Variants in HSF4 observed in about 807,000 individuals in gnomAD.
The protein encoded by HSF4 is heat shock factor protein 4.
Under a neutral mutation model 52.0 loss-of-function variants are expected in HSF4, and 41 were observed. That is an observed-to-expected ratio of 0.79 (90% CI 0.61 to 1.02). The LOEUF is 1.02. HSF4 is among the 50% of genes least tolerant of loss of function. The pLI, the probability that HSF4 is intolerant of heterozygous loss-of-function variation, is 0.00. For missense variants in HSF4, 610 were observed against 651.1 expected (o/e 0.94, Z 0.69); for synonymous variants, 285 against 273.0 (o/e 1.04, Z -0.43).
chr16:67,164,586 C>A (rs540804977), upstream of HSF4: 3 of 522,120 alleles, frequency 5.7e-6, no homozygotes, highest in African/African-American at 3.9e-5. Flanking sequence ...CCACCCCACC[C>A]CTCCACTCCA....
At chr16:67,167,015 T>G in intron 6 of HSF4, 105 bp from the exon 7 acceptor site, 1 of 1,511,994 alleles carries the variant, frequency 6.6e-7, no homozygotes, top group Non-Finnish European at 9.1e-7. Flanking sequence ...GCCTCAGCTC[T>G]GCTGACTTGG....
At chr16:67,163,993 C>A, upstream of HSF4, 1 of 922,162 alleles carries the variant, frequency 1.1e-6, no homozygotes, top group Non-Finnish European at 1.7e-6. Flanking sequence ...CGCCCTGAGA[C>A]CACTCGCTGC....
At position 67,169,572 on chromosome 16, in the gene HSF4, T is replaced by C. The variant is rs375811954; in HGVS notation, c.1325-59T>C. On this transcript the variant is annotated intron_variant, in intron 12 of 12. Coordinates refer to ENST00000521374, the MANE Select transcript of HSF4 (RefSeq NM_001374675.1). The surrounding 1 kb of genome is among the most constrained non-coding windows in gnomAD (Gnocchi z 4.3). The stretch of plus-strand genomic sequence containing the variant: ...AGAAGGCAGGCGGGCAGGGCTCTCC[T>C]TCCCTGAAGAAAGGAGGGGGAACAT... 8.1e-6 allele frequency: 13 copies of C among 1,599,668 alleles called. No individual in the cohort carries two copies. The highest frequency in any genetic ancestry group is 6.7e-5 in the East Asian group (3 of 44,894).
rs1469616706 is a variant in HSF4, at chr16:67,165,004, C to T, written c.123+70C>T. On this transcript the variant is annotated intron_variant, in intron 1 of 12. Coordinates refer to ENST00000521374, the MANE Select transcript of HSF4 (RefSeq NM_001374675.1). The surrounding 1 kb of genome is among the most constrained non-coding windows in gnomAD (Gnocchi z 6.9). ...CTCCACGTCAGTGAACACCCATGCC[C>T]GCCCAACCCCCTCCTGAGACTGGGC... The T allele has an allele frequency of 5.5e-6, 8 of 1,454,786 alleles. No individual in the cohort carries two copies. The East Asian group carries it at 9.9e-5, about 18-fold the overall frequency. 90.1% of individuals were successfully genotyped at this position (1,454,786 alleles called of 1,614,324 possible). A position where few individuals can be genotyped will look rare whatever the true frequency, so the allele number is the denominator to read the frequency against.
chr16:67,167,817 G>T lies in HSF4; in HGVS notation c.952G>T (p.Val318Leu). Residue 318 changes from valine (V) to leucine (L), a missense_variant, in exon 9 of 13, where the codon GTG becomes TTG. By Grantham distance (32) the Val-to-Leu change is conservative. Coordinates refer to ENST00000521374, the MANE Select transcript of HSF4 (RefSeq NM_001374675.1). ...GGCCCCAAACGAGTGTGACTTCTGC[G>T]TGACAGCCCCCCCGCCACTGCCTGT... is the stretch of plus-strand genomic sequence containing the variant. Reference protein sequence around the residue: ...ALAPNECDFCVTAPPPLPVAV... With the variant: ...ALAPNECDFCLTAPPPLPVAV... 6.3e-7 allele frequency: 1 copy of T among 1,594,112 alleles called. No individual in the cohort carries two copies. The highest frequency in any genetic ancestry group is 8.5e-7 in the Non-Finnish European group (1 of 1,171,090).
chr16:67,165,680 G>A lies in HSF4; in HGVS notation c.233-39G>A. 1 of 1,612,190 alleles carries A rather than the reference G, an allele frequency of 6.2e-7. No homozygotes were observed. The highest frequency in any genetic ancestry group is 2.2e-5 in the East Asian group (1 of 44,858). On this transcript the variant is annotated intron_variant, in intron 2 of 12. Coordinates refer to ENST00000521374, the MANE Select transcript of HSF4 (RefSeq NM_001374675.1). The surrounding 1 kb of genome is among the most constrained non-coding windows in gnomAD (Gnocchi z 6.9). ...AGCGGGGATGGGGGACTCGGTGCCG[G>A]GGATGGGGCGACCCACGCCCCCACG... is the stretch of plus-strand genomic sequence containing the variant.
In HSF4 at chr16:67,166,743, T is replaced by C. The variant is rs2031333451; in HGVS notation, c.626+121T>C. The C allele has an allele frequency of 1.0e-5, 9 of 894,840 alleles. No individual in the cohort carries two copies. In the South Asian group the frequency reaches 1.1e-4, roughly 11 times the overall value. The allele number at this position is 894,840 out of a possible 1,614,324, so 55.4% of individuals were successfully genotyped here. ...GGAATCCTCATTCCTCCCCCTGCGC[T>C]ACAGGCTTCCTCACCCCATCTAGGA... On this transcript the variant is annotated intron_variant, in intron 6 of 12. Coordinates refer to ENST00000521374, the MANE Select transcript of HSF4 (RefSeq NM_001374675.1).
Position 67,166,063 on chromosome 16 carries a change from C to T in HSF4, c.478C>T (p.Leu160Phe). 1.3e-6 allele frequency: 2 copies of T among 1,526,962 alleles called. No individual in the cohort carries two copies. Among genetic ancestry groups the T allele is most frequent in the Non-Finnish European group, 8.8e-7 (1 of 1,142,644 alleles). The allele number at this position is 1,526,962 out of a possible 1,614,324, so 94.6% of individuals were successfully genotyped here. A position where few individuals can be genotyped will look rare whatever the true frequency, so the allele number is the denominator to read the frequency against. ...QESTEARLRE[L>F]RQQNEILWRE... ...GAGCACCGAGGCGCGGCTGCGGGAG[C>T]TCAGGCAGTGCGGGGGCGGGCGGGG... Residue 160 changes from leucine to phenylalanine, a missense_variant, in exon 4 of 13, where the codon CTC becomes TTC. Leu to Phe is a conservative substitution (Grantham distance 22). Transcript: ENST00000521374.
intron 5 of HSF4, 43 bp from the exon 6 acceptor site, chr16:67,166,515 G>A (rs753585363): frequency 1.9e-6 from 3 of 1,609,636 alleles, no homozygotes; most frequent in Non-Finnish European, 1.7e-6. Flanking sequence ...GGGGTGGGGG[G>A]GCTGTGTCCA....
At position 67,166,378 on chromosome 16, in the gene HSF4, C is replaced by A; in HGVS notation, c.544C>A (p.His182Asn). 6.2e-7 allele frequency: 1 copy of A among 1,610,012 alleles called. No individual in the cohort carries two copies. Among genetic ancestry groups the A allele is most frequent in the Non-Finnish European group, 8.5e-7 (1 of 1,178,196 alleles). ...VTLRQSHGQQ[H>N]RVIGKLIQCL... Reference sequence around the variant, plus strand: ...ACTTCGGCAGAGCCACGGTCAGCAGCACCGGGTCATTGGCAAGGTGTTCCT... The same window carrying A: ...ACTTCGGCAGAGCCACGGTCAGCAGAACCGGGTCATTGGCAAGGTGTTCCT... The change falls in exon 5 of 13, where the codon CAC (histidine) becomes AAC (asparagine). Residue 182 changes from histidine (H) to asparagine (N), a missense_variant. By Grantham distance (68) the His-to-Asn change is moderately conservative. Coordinates refer to ENST00000521374, the MANE Select transcript of HSF4 (RefSeq NM_001374675.1).
rs779621363 is a variant in HSF4 at position 67,169,302 on chromosome 16, G to C, written c.1278G>C (p.Arg426=). The change falls in exon 12 of 13, where the codon CGG becomes CGC. Residue 426 remains arginine, a synonymous_variant. Transcript: ENST00000521374. The surrounding 1 kb of genome is among the most constrained non-coding windows in gnomAD (Gnocchi z 4.3). ...AGATGCAGCCCTTGGTTCCAGAGCG[G>C]GGTGAGCCTGAGCTGGCGGTCAAGG... is the stretch of plus-strand genomic sequence containing the variant. ...LSLMQPLVPE[R]GEPELAVKGL... The C allele has an allele frequency of 1.9e-6, 3 of 1,613,734 alleles. No homozygotes were observed. The Admixed American group carries it at 5.0e-5, about 27-fold the overall frequency.
At chr16:67,166,524 C>A (rs2031313314) in intron 5 of HSF4, 34 bp from the exon 6 acceptor site, 1 of 1,612,490 alleles carries the variant, frequency 6.2e-7, no homozygotes, top group Admixed American at 1.7e-5. Context: ...GGGCTGTGTC[C>A]AAAGTATGAA....
chr16:67,164,765 G>A lies in HSF4; in HGVS notation c.-47G>A. 1 of 1,558,520 alleles carries A rather than the reference G, an allele frequency of 6.4e-7. No homozygotes were observed. The highest frequency in any genetic ancestry group is 8.6e-7 in the Non-Finnish European group (1 of 1,162,028). On this transcript the variant is annotated 5_prime_UTR_variant, in exon 1 of 13. Transcript: ENST00000521374. ...GCAGCACTTTCCGCGGCTTTGACGA[G>A]CCCGCAGCGGCCGGGCCCGAGCGCA... is the stretch of plus-strand genomic sequence containing the variant.
upstream of HSF4, chr16:67,164,686 G>C (rs1294897085): frequency 1.7e-6 from 2 of 1,205,674 alleles, no homozygotes; most frequent in Non-Finnish European, 2.2e-6. Context: ...CTTGCACGTG[G>C]CCCCCGCCTG....
Position 67,167,459 on chromosome 16 carries a change from A to T in HSF4, c.730-16A>T. Reference sequence around the variant, plus strand: ...TGCCTACAGGCCAAGGGCTGGGCCTAGCCTTCTACTTACAGCCTCTCCCAG... The same window carrying T: ...TGCCTACAGGCCAAGGGCTGGGCCTTGCCTTCTACTTACAGCCTCTCCCAG... On this transcript the variant is annotated splice_polypyrimidine_tract_variant and intron_variant, in intron 7 of 12. Transcript: ENST00000521374. 1 of 1,613,820 alleles carries T rather than the reference A, an allele frequency of 6.2e-7. No homozygotes were observed. The highest frequency in any genetic ancestry group is 1.1e-5 in the South Asian group (1 of 91,082).
In HSF4 at chr16:67,168,693, T is replaced by A. The variant is rs946666271; in HGVS notation, c.1083-138T>A. On this transcript the variant is annotated intron_variant, in intron 9 of 12. Transcript: ENST00000521374. ...GCCATTTATGGCAGGAGTGGGGAGG[T>A]TGGGGGTGGAGAGAGGATGGGGATC... 1.2e-5 allele frequency: 8 copies of A among 675,106 alleles called. No individual in the cohort carries two copies. In the South Asian group the frequency reaches 1.2e-4, roughly 10 times the overall value. The allele number at this position is 675,106 out of a possible 1,614,324, so 41.8% of individuals were successfully genotyped here. A position where few individuals can be genotyped will look rare whatever the true frequency, so the allele number is the denominator to read the frequency against.
Position 67,165,430 on chromosome 16 carries a change from T to A in HSF4, c.124-92T>A, listed in dbSNP as rs1597237640. On this transcript the variant is annotated intron_variant, in intron 1 of 12. Coordinates refer to ENST00000521374, the MANE Select transcript of HSF4 (RefSeq NM_001374675.1). The surrounding 1 kb of genome is among the most constrained non-coding windows in gnomAD (Gnocchi z 6.9). ...GGACCCAAGAGTGAGCATGAGTGTG[T>A]GCGCGCGCTGGAGCGCAGGACTGGC... 3 of 1,162,922 alleles carry A rather than the reference T, an allele frequency of 2.6e-6. No homozygotes were observed. Among genetic ancestry groups the A allele is most frequent in the African/African-American group, 1.5e-5 (1 of 65,932 alleles). 72.0% of individuals were successfully genotyped at this position (1,162,922 alleles called of 1,614,324 possible).
chr16:67,169,242 G>C lies in HSF4; in HGVS notation c.1255-37G>C. ...CCCAGCTGTCCCCCTCAGCTGCTAGGTCCCCTCCCCAGCTGCTCCCTGCGG... is the reference window on the plus strand; with the variant it reads ...CCCAGCTGTCCCCCTCAGCTGCTAGCTCCCCTCCCCAGCTGCTCCCTGCGG... On this transcript the variant is annotated intron_variant, in intron 11 of 12. Coordinates refer to ENST00000521374, the MANE Select transcript of HSF4 (RefSeq NM_001374675.1). The surrounding 1 kb of genome is among the most constrained non-coding windows in gnomAD (Gnocchi z 4.3). 1.2e-6 allele frequency: 2 copies of C among 1,612,210 alleles called. No homozygotes were observed. Among genetic ancestry groups the C allele is most frequent in the Non-Finnish European group, 1.7e-6 (2 of 1,179,662 alleles).
chr16:67,165,706 C>A lies in HSF4; in HGVS notation c.233-13C>A. On this transcript the variant is annotated splice_polypyrimidine_tract_variant and intron_variant, in intron 2 of 12. Transcript: ENST00000521374. This position sits in a 1 kb window ranked among gnomAD's most constrained non-coding sequence, Gnocchi z 6.9. Reference sequence around the variant, plus strand: ...GGATGGGGCGACCCACGCCCCCACGCCCCACTCCCCAGACGGTTTTCGGAA... The same window carrying A: ...GGATGGGGCGACCCACGCCCCCACGACCCACTCCCCAGACGGTTTTCGGAA... 6.2e-7 allele frequency: 1 copy of A among 1,611,980 alleles called. No individual in the cohort carries two copies. Among genetic ancestry groups the A allele is most frequent in the Non-Finnish European group, 8.5e-7 (1 of 1,179,776 alleles).
Sources: allele counts gnomAD v4.1 joint callset, GRCh38; gene constraint gnomAD v4.1.1; non-coding constraint Gnocchi (gnomAD v3.1); transcripts MANE v1.5; gene names NCBI Gene and HGNC (gene_info 2026-07-23, HGNC 2026-07-21).